The following BCAS3 variants were observed in gnomAD, a reference collection of about 807,000 sequenced individuals.
BCAS3 encodes the protein BCAS4/BCAS3 fusion.
BCAS3 carries 53 observed loss-of-function variants against 116.1 expected under a neutral mutation model. The observed-to-expected ratio is 0.46, with a 90% CI of 0.37 to 0.57. The LOEUF (loss-of-function observed/expected upper bound fraction) is 0.57, where lower values mean the gene tolerates loss of function less well. Among genes scored for constraint, BCAS3 ranks in the 20% least tolerant of loss-of-function variants. The pLI, the probability that BCAS3 is intolerant of heterozygous loss-of-function variation, is 0.00. For missense variants in BCAS3, 917 were observed against 1,165.4 expected, an observed-to-expected ratio of 0.79 and a Z score of 3.10; for synonymous variants, 391 against 408.2, an observed-to-expected ratio of 0.96 and a Z score of 0.51.
At chr17:60,955,596 G>T (rs985552125) in intron 14 of BCAS3, among the ~76,000 whole-genome samples, 2 of 151,828 alleles carry the variant, frequency 1.3e-5, no homozygotes, top group Non-Finnish European at 2.9e-5. Flanking sequence ...TTGGTGGCCA[G>T]GATGGTCTGG....
intron 22 of BCAS3, among the ~76,000 whole-genome samples, chr17:61,169,126 G>T (rs1418078764): frequency 6.6e-6 from 1 of 152,030 alleles, no homozygotes; most frequent in Non-Finnish European, 1.5e-5. Context: ...TATTATTAAG[G>T]TCTCACCATT....
At chr17:61,373,808 G>GTTTTT (rs1169897447) in intron 23 of BCAS3, among the ~76,000 whole-genome samples, 8 of 101,236 alleles carry the variant, frequency 7.9e-5, no homozygotes, top group African/African-American at 1.8e-4. Context: ...CTTCTTCTTT[G>GTTTTT]TTTTTTTTTT....
Position 61,189,304 on chromosome 17 carries a change from G to A in BCAS3, c.2425+104740G>A, listed in dbSNP as rs1014615760. 1.3e-5 allele frequency among the ~76,000 whole-genome samples: 2 copies of A among 152,190 alleles called. No homozygotes were observed. The highest frequency in any genetic ancestry group is 4.8e-5 in the African/African-American group (2 of 41,440). On this transcript the variant is annotated intron_variant, in intron 22 of 23. Transcript: ENST00000407086. This position sits in a 1 kb window ranked among gnomAD's most constrained non-coding sequence, Gnocchi z 4.5. The stretch of plus-strand genomic sequence containing the variant: ...GATAAGCATAAGTGAAGGCACAGTA[G>A]CAAGAGAAGCCATGGTATATTCAAA...
chr17:61,110,292 C>T (rs767856398), intron 22 of BCAS3, among the ~76,000 whole-genome samples: 9 of 150,036 alleles, frequency 6.0e-5, no homozygotes, highest in African/African-American at 9.8e-5. Context: ...GCGTGAGCGA[C>T]GCAGAAGATG....
intron 9 of BCAS3, chr17:60,887,006 A>G (rs1017953861): frequency 2.4e-4 from 37 of 157,350 alleles, no homozygotes; most frequent in Non-Finnish European, 4.8e-4. Flanking sequence ...TTGTTTACCT[A>G]AGCAAGCCTG....
chr17:61,328,098 G>A (rs532676192), intron 22 of BCAS3, among the ~76,000 whole-genome samples: 2 of 152,126 alleles, frequency 1.3e-5, no homozygotes, highest in South Asian at 2.1e-4. Flanking sequence ...TTAATTATTG[G>A]TCTGCAGAGA....
At position 61,220,944 on chromosome 17, in the gene BCAS3, C is replaced by G. The variant is rs530012945; in HGVS notation, c.2425+136380C>G. Among the ~76,000 whole-genome samples, 2 of 152,100 alleles carry G rather than the reference C, an allele frequency of 1.3e-5. No individual in the cohort carries two copies. The highest frequency in any genetic ancestry group is 2.1e-4 in the South Asian group (1 of 4,816). ...TGAAACCCCATCTCTACTAAAAATA[C>G]AAAAAATTAGCTGGGCATGGTGGCG... On this transcript the variant is annotated intron_variant, in intron 22 of 23. Coordinates refer to ENST00000407086, the MANE Select transcript of BCAS3 (RefSeq NM_017679.5). The surrounding 1 kb of genome is among the most constrained non-coding windows in gnomAD (Gnocchi z 4.5).
chr17:61,334,384 G>A (rs2056533823), intron 22 of BCAS3, among the ~76,000 whole-genome samples: 1 of 151,964 alleles, frequency 6.6e-6, no homozygotes. Context: ...TAAGAATAAT[G>A]GGCCGGGCGC....
chr17:60,941,376 A>T (rs1321838440), intron 13 of BCAS3, among the ~76,000 whole-genome samples: 1 of 152,192 alleles, frequency 6.6e-6, no homozygotes, highest in Non-Finnish European at 1.5e-5. Context: ...TCTACTCTGC[A>T]CAAGTTTTTC....
rs552192021 is a variant in BCAS3 at position 61,368,630 on chromosome 17, C to T, written c.2593+136C>T. The T allele has an allele frequency of 4.8e-6, 5 of 1,037,684 alleles. No individual in the cohort carries two copies. The highest frequency in any genetic ancestry group is 3.2e-5 in the African/African-American group (2 of 62,466). 64.3% of individuals were successfully genotyped at this position (1,037,684 alleles called of 1,614,324 possible). On this transcript the variant is annotated intron_variant, in intron 23 of 23. Coordinates refer to ENST00000407086, the MANE Select transcript of BCAS3 (RefSeq NM_017679.5). The surrounding 1 kb of genome is among the most constrained non-coding windows in gnomAD (Gnocchi z 6.0). ...TTTAGTTAGCACTCCAGTGGCTATCCGTCTGAGGAGCTCTGGTGTTGGGAA... is the reference window on the plus strand; with the variant it reads ...TTTAGTTAGCACTCCAGTGGCTATCTGTCTGAGGAGCTCTGGTGTTGGGAA...
chr17:60,752,155 GGTGT>G (rs55713453), intron 6 of BCAS3, among the ~76,000 whole-genome samples: 2,568 of 144,736 alleles, frequency 0.018, 74 homozygotes, highest in African/African-American at 0.059. Flanking sequence ...TTGGCTGAAG[GGTGT>G]GTGTGTGTGT....
At chr17:60,963,738 G>A (rs1011582413) in intron 14 of BCAS3, among the ~76,000 whole-genome samples, 1 of 151,992 alleles carries the variant, frequency 6.6e-6, no homozygotes, top group Non-Finnish European at 1.5e-5. Flanking sequence ...TGTATTTTTA[G>A]TAGAGACAGG....
At chr17:60,803,312 C>T (rs569494415) in intron 6 of BCAS3, among the ~76,000 whole-genome samples, 29 of 152,120 alleles carry the variant, frequency 1.9e-4, no homozygotes, top group African/African-American at 5.3e-4. Flanking sequence ...TTCAGATAGC[C>T]GATATCAAAT....
intron 23 of BCAS3, among the ~76,000 whole-genome samples, chr17:61,369,251 G>A (rs953218713): frequency 6.6e-6 from 1 of 152,212 alleles, no homozygotes; most frequent in Non-Finnish European, 1.5e-5. Context: ...GCTGACAGAG[G>A]CTGCCCCAGC....
chr17:60,739,308 T>C (rs2041292334), intron 5 of BCAS3, among the ~76,000 whole-genome samples: 1 of 152,118 alleles, frequency 6.6e-6, no homozygotes, highest in South Asian at 2.1e-4. Context: ...CTATTATCTG[T>C]AAAAAAATCA....
chr17:60,971,933 G>T lies in BCAS3; in HGVS notation c.1222-18038G>T, dbSNP rs897542942. ...GGTTAATAGCAGCCTTCTAAAAAAGGGAGTGTACTTGGTGGCTGCATCAGG... is the reference window on the plus strand; with the variant it reads ...GGTTAATAGCAGCCTTCTAAAAAAGTGAGTGTACTTGGTGGCTGCATCAGG... On this transcript the variant is annotated intron_variant, in intron 14 of 23. Transcript: ENST00000407086. 7.9e-5 allele frequency among the ~76,000 whole-genome samples: 12 copies of T among 152,282 alleles called. No homozygotes were observed. The South Asian group carries it at 2.5e-3, about 32-fold the overall frequency.
intron 22 of BCAS3, among the ~76,000 whole-genome samples, chr17:61,158,379 T>C (rs1223056618): frequency 6.6e-6 from 1 of 152,216 alleles, no homozygotes; most frequent in Non-Finnish European, 1.5e-5. Flanking sequence ...TGTTTTTTGC[T>C]TTAACTCAAA....
At chr17:61,027,007 A>G (rs1169273609) in intron 16 of BCAS3, 6 of 1,030,814 alleles carry the variant, frequency 5.8e-6, no homozygotes, top group Non-Finnish European at 8.7e-6. Flanking sequence ...TGGCCTGATC[A>G]CAGATAGATG....
At chr17:60,871,606 GT>G (rs576443532) in intron 8 of BCAS3, among the ~76,000 whole-genome samples, 214 of 131,256 alleles carry the variant, frequency 1.6e-3, no homozygotes, top group Admixed American at 4.0e-3. Context: ...GTTTGTTTTT[GT>G]TTTTTTTTTT....
Sources: gnomAD v4.1 joint callset for allele counts (sites outside exome capture counted in the v4.1 genomes callset) on GRCh38, gnomAD v4.1.1 for gene constraint, Gnocchi (gnomAD v3.1) non-coding constraint, MANE v1.5 for transcripts, NCBI Gene and HGNC (gene_info 2026-07-23, HGNC 2026-07-21) for gene names.